Variants in PPP2R1B observed in about 807,000 individuals in gnomAD.
PPP2R1B encodes the protein protein phosphatase 2 scaffold subunit Abeta, also known as serine/threonine-protein phosphatase 2A 65 kDa regulatory subunit A beta isoform.
Under a neutral mutation model 72.7 loss-of-function variants are expected in PPP2R1B, and 58 were observed. The observed-to-expected ratio is 0.80, with a 90% confidence interval of 0.65 to 0.99. PPP2R1B has a LOEUF of 0.99. Ranked by LOEUF, PPP2R1B falls within the 50% of genes least tolerant of loss-of-function variation. PPP2R1B has a pLI of 0.00. For missense variants in PPP2R1B, 695 were observed against 733.6 expected, an observed-to-expected ratio of 0.95 and a Z score of 0.61; for synonymous variants, 256 against 264.6, an observed-to-expected ratio of 0.97 and a Z score of 0.32.
At chr11:111,747,856 A>C (rs1944759691) in intron 11 of PPP2R1B, 98 bp downstream of exon 11, 2 of 1,154,996 alleles carry the variant, frequency 1.7e-6, no homozygotes, top group South Asian at 3.3e-5. Flanking sequence ...TACAATATTA[A>C]GGCAAAATAT....
chr11:111,766,135 A>T, intron 1 of PPP2R1B, 113 bp downstream of exon 1: 1 of 972,380 alleles, frequency 1.0e-6, no homozygotes, highest in Non-Finnish European at 1.6e-6. Context: ...AGTTTCTGCT[A>T]CGAGTCCGAC....
the PPP2R1B span, among the ~76,000 whole-genome samples, chr11:111,716,097 C>A: frequency 1.5e-3 from 221 of 152,212 alleles, 1 homozygote; most frequent in Non-Finnish European, 2.5e-3. Context: ...CCACCATGCC[C>A]AGCCCATTTT....
intron 11 of PPP2R1B, among the ~76,000 whole-genome samples, chr11:111,745,788 T>A (rs1240901350): frequency 1.3e-5 from 2 of 152,260 alleles, no homozygotes; most frequent in Non-Finnish European, 2.9e-5. Context: ...TTCTTCCTTA[T>A]ACTTCTCTGG....
At chr11:111,719,223 A>G in the PPP2R1B span, among the ~76,000 whole-genome samples, 1 of 152,110 alleles carries the variant, frequency 6.6e-6, no homozygotes, top group Non-Finnish European at 1.5e-5. Flanking sequence ...CTTACTTTCC[A>G]TTCCCCAGGC....
chr11:111,700,696 C>T, the PPP2R1B span, among the ~76,000 whole-genome samples: 1 of 152,216 alleles, frequency 6.6e-6, no homozygotes, highest in Non-Finnish European at 1.5e-5. Context: ...CATTCAGCAA[C>T]ATTCCTTGAG....
chr11:111,740,893 T>C lies in PPP2R1B; in HGVS notation c.*703A>G. 1.5e-5 allele frequency: 15 copies of C among 985,486 alleles called. No homozygotes were observed. Among genetic ancestry groups the C allele is most frequent in the Non-Finnish European group, 1.8e-5 (15 of 829,952 alleles). The allele number at this position is 985,486 out of a possible 1,614,324, so 61.0% of individuals were successfully genotyped here. ...AAAGAGAGAGAAGTATTTTTAAATGTAGGCACAGTGGTGAGCTGTTCAAAT... is the reference window on the plus strand; with the variant it reads ...AAAGAGAGAGAAGTATTTTTAAATGCAGGCACAGTGGTGAGCTGTTCAAAT... On this transcript the variant is annotated 3_prime_UTR_variant, in exon 15 of 15. Transcript: ENST00000527614.
At chr11:111,694,901 T>C in the PPP2R1B span, among the ~76,000 whole-genome samples, 1 of 152,228 alleles carries the variant, frequency 6.6e-6, no homozygotes, top group Non-Finnish European at 1.5e-5. Context: ...GACAAATAGA[T>C]GTCTTACATT....
At chr11:111,746,387 C>T (rs1344936566) in intron 11 of PPP2R1B, among the ~76,000 whole-genome samples, 1 of 152,106 alleles carries the variant, frequency 6.6e-6, no homozygotes. Flanking sequence ...GAAAACCAAA[C>T]AGTACATGTT....
At chr11:111,762,488 AACTCTGCCTGGCCCTTGATGACC>A (rs1945362058) in intron 3 of PPP2R1B, among the ~76,000 whole-genome samples, 2 of 151,344 alleles carry the variant, frequency 1.3e-5, no homozygotes, top group African/African-American at 4.9e-5. Context: ...TCTTGATTTG[AACTCTGCCTGGCCCTTGATGACC>A]ACTCTGCCTA....
At chr11:111,728,427 T>A (rs1944050234) in intron 15 of PPP2R1B, 2 of 152,348 alleles carry the variant, frequency 1.3e-5, no homozygotes, top group Admixed American at 1.3e-4. Flanking sequence ...TAGCTGGGAC[T>A]ACAGGTGTGT....
the PPP2R1B span, chr11:111,719,998 G>A: frequency 6.2e-7 from 1 of 1,612,948 alleles, no homozygotes; most frequent in Non-Finnish European, 8.5e-7. Context: ...GTGATGCCTG[G>A]GGCAGGTACG....
chr11:111,693,344 A>AG, the PPP2R1B span, among the ~76,000 whole-genome samples: 1 of 152,180 alleles, frequency 6.6e-6, no homozygotes, highest in East Asian at 1.9e-4. Context: ...AAAAAAAAAA[A>AG]AAACTTGAGA....
At chr11:111,707,026 G>A in the PPP2R1B span, among the ~76,000 whole-genome samples, 1 of 150,998 alleles carries the variant, frequency 6.6e-6, no homozygotes, top group Non-Finnish European at 1.5e-5. Context: ...TATAGTTCCA[G>A]ACACTTGAGT....
chr11:111,763,895 T>C (rs1449890206), intron 3 of PPP2R1B, among the ~76,000 whole-genome samples: 1 of 152,114 alleles, frequency 6.6e-6, no homozygotes, highest in Non-Finnish European at 1.5e-5. Flanking sequence ...TACTTATCTA[T>C]TAATCAATCT....
chr11:111,737,575 G>C (rs201681050), downstream of PPP2R1B: 6 of 1,614,086 alleles, frequency 3.7e-6, no homozygotes, highest in Admixed American at 3.3e-5. Context: ...CACCACTAGA[G>C]ACACAGACAG....
In PPP2R1B at chr11:111,740,131, A is replaced by AT. The variant is rs2136037284; in HGVS notation, c.*1464dup. Reference sequence around the variant, plus strand: ...ACCAAAAGGGTAACAAGCAAACCTCATAGCAAGATGCACTGAGAGAAAAAT... The same window carrying AT: ...ACCAAAAGGGTAACAAGCAAACCTCATTAGCAAGATGCACTGAGAGAAAAAT... On this transcript the variant is annotated 3_prime_UTR_variant, in exon 15 of 15. Coordinates refer to ENST00000527614, the MANE Select transcript of PPP2R1B (RefSeq NM_002716.5). 1.0e-6 allele frequency: 1 copy of AT among 985,420 alleles called. No homozygotes were observed. Among genetic ancestry groups the AT allele is most frequent in the East Asian group, 1.1e-4 (1 of 8,816 alleles). 61.0% of individuals were successfully genotyped at this position (985,420 alleles called of 1,614,324 possible). A position where few individuals can be genotyped will look rare whatever the true frequency, so the allele number is the denominator to read the frequency against.
downstream of PPP2R1B, chr11:111,737,313 T>C (rs757937707): frequency 1.3e-4 from 177 of 1,329,624 alleles, no homozygotes; most frequent in Non-Finnish European, 1.8e-4. Context: ...CCCTTAAAAT[T>C]GGACTCTTCC....
chr11:111,723,481 A>G (rs1008553805), downstream of PPP2R1B: 2 of 1,577,648 alleles, frequency 1.3e-6, no homozygotes, highest in East Asian at 2.3e-5. Context: ...CTTTCCTTTG[A>G]TATTACCAAT....
chr11:111,692,388 A>AAAAAAAAAAAC, the PPP2R1B span, among the ~76,000 whole-genome samples: 8 of 110,914 alleles, frequency 7.2e-5, 1 homozygote, highest in Non-Finnish European at 3.9e-5. Context: ...AAAAAAAAAA[A>AAAAAAAAAAAC]CACAAAAAGG....
Sources: allele counts gnomAD v4.1 joint callset (sites outside exome capture counted in the v4.1 genomes callset), GRCh38; gene constraint gnomAD v4.1.1; transcripts MANE v1.5; gene names NCBI Gene and HGNC (gene_info 2026-07-23, HGNC 2026-07-21).